The following GPD2 variants were observed in gnomAD, a reference collection of about 807,000 sequenced individuals.
The protein encoded by GPD2 is glycerol-3-phosphate dehydrogenase 2, also known as glycerol-3-phosphate dehydrogenase, mitochondrial.
Under a neutral mutation model 82.4 loss-of-function variants are expected in GPD2, and 54 were observed. The ratio of observed to expected loss-of-function variants is 0.66; its 90% CI spans 0.53 to 0.82. GPD2 has a LOEUF of 0.82. Ranked by LOEUF, GPD2 falls within the 40% of genes least tolerant of loss-of-function variation. The pLI is 0.00. For synonymous variants in GPD2, 288 were observed against 306.1 expected (o/e 0.94, Z 0.62); for missense variants, 748 against 896.2 (o/e 0.83, Z 2.11).
intron 6 of GPD2, among the ~76,000 whole-genome samples, chr2:156,542,615 G>A (rs146147482): frequency 1.1e-4 from 17 of 152,140 alleles, no homozygotes; most frequent in African/African-American, 4.1e-4. Context: ...ACTTTGCCAG[G>A]CACTTAACAC....
intron 11 of GPD2, 109 bp from the exon 12 acceptor site, chr2:156,569,978 A>T: frequency 1.1e-6 from 1 of 936,814 alleles, no homozygotes; most frequent in Non-Finnish European, 1.7e-6. Flanking sequence ...GAGAGCTATT[A>T]GTTACAGGCT....
At chr2:156,484,974 C>T (rs1303218168) in intron 2 of GPD2, among the ~76,000 whole-genome samples, 5 of 152,156 alleles carry the variant, frequency 3.3e-5, no homozygotes, top group African/African-American at 7.2e-5. Context: ...TCTATGAGTT[C>T]GACTATTTTA....
At chr2:156,440,614 C>T (rs1682135214) in intron 1 of GPD2, among the ~76,000 whole-genome samples, 1 of 152,074 alleles carries the variant, frequency 6.6e-6, no homozygotes, top group South Asian at 2.1e-4. Flanking sequence ...GCTCTTATTT[C>T]CTATTTTTCA....
Position 156,582,805 on chromosome 2 carries a change from A to C in GPD2, c.2071A>C (p.Ile691Leu), listed in dbSNP as rs751750878. ...LNEFLQLMSA[I>L]QKGRVSGSRL... is the part of the protein sequence containing the mutation. Reference sequence around the variant, plus strand: ...TTTTCTCTTTAAGCTGATGAGTGCTATTCAAAAAGGAAGGGTATCTGGAAG... The same window carrying C: ...TTTTCTCTTTAAGCTGATGAGTGCTCTTCAAAAAGGAAGGGTATCTGGAAG... Residue 691 changes from isoleucine (I) to leucine (L), a missense_variant, in exon 17 of 17, where the codon ATT becomes CTT. Physicochemically the swap from Ile to Leu is conservative, Grantham distance 5. This residue lies in a region of GPD2 where 46 missense variants were observed against 49.1 expected (regional missense o/e 0.94). Coordinates refer to ENST00000438166, the MANE Select transcript of GPD2 (RefSeq NM_000408.5). 6.2e-7 allele frequency: 1 copy of C among 1,613,052 alleles called. No homozygotes were observed. The highest frequency in any genetic ancestry group is 1.7e-5 in the Admixed American group (1 of 59,980).
intron 2 of GPD2, among the ~76,000 whole-genome samples, chr2:156,494,031 A>G (rs298281): frequency 0.32 from 48,871 of 151,342 alleles, 9,286 homozygotes; most frequent in Non-Finnish European, 0.44. Context: ...TGTAGTACCT[A>G]CTGGTTACAT....
chr2:156,491,002 A>G (rs189257723), intron 2 of GPD2, among the ~76,000 whole-genome samples: 8 of 105,864 alleles, frequency 7.6e-5, no homozygotes, highest in Non-Finnish European at 1.7e-4. Context: ...ATAATTTACA[A>G]TTCTATGAGT....
the GPD2 span, among the ~76,000 whole-genome samples, chr2:156,406,633 T>C: frequency 6.6e-6 from 1 of 152,218 alleles, no homozygotes; most frequent in Non-Finnish European, 1.5e-5. Flanking sequence ...CAGTCATTTC[T>C]TTATTCCAAA....
intron 1 of GPD2, among the ~76,000 whole-genome samples, chr2:156,437,479 A>G (rs298305): frequency 0.32 from 48,522 of 152,010 alleles, 9,206 homozygotes; most frequent in Middle Eastern, 0.44. Flanking sequence ...CCATTGCCCA[A>G]TGGAGACCGT....
At chr2:156,426,685 A>G in the GPD2 span, among the ~76,000 whole-genome samples, 1 of 152,188 alleles carries the variant, frequency 6.6e-6, no homozygotes, top group African/African-American at 2.4e-5. Context: ...AGATTTTGCA[A>G]CCCATATTCC....
rs1253231139 is a variant in GPD2 at position 156,583,018 on chromosome 2, A to G, written c.*100A>G. 2 of 1,310,166 alleles carry G rather than the reference A, an allele frequency of 1.5e-6. No individual in the cohort carries two copies. The highest frequency in any genetic ancestry group is 2.9e-5 in the African/African-American group (2 of 69,120). 81.2% of individuals were successfully genotyped at this position (1,310,166 alleles called of 1,614,324 possible). A position where few individuals can be genotyped will look rare whatever the true frequency, so the allele number is the denominator to read the frequency against. ...CCACTCTGAAATAATGAATGTGGAT[A>G]GCTGCCTTTTTTAACACTAGAAAAC... On this transcript the variant is annotated 3_prime_UTR_variant, in exon 17 of 17. Coordinates refer to ENST00000438166, the MANE Select transcript of GPD2 (RefSeq NM_000408.5).
In GPD2 at chr2:156,549,624, A is replaced by G. The variant is rs1311684876; in HGVS notation, c.678A>G (p.Ala226=). 2 of 1,614,104 alleles carry G rather than the reference A, an allele frequency of 1.2e-6. No homozygotes were observed. Among genetic ancestry groups the G allele is most frequent in the Admixed American group, 1.7e-5 (1 of 60,014 alleles). The change falls in exon 7 of 17, where the codon GCA becomes GCG. Residue 226 remains alanine, a synonymous_variant. Coordinates refer to ENST00000438166, the MANE Select transcript of GPD2 (RefSeq NM_000408.5). ...IVYYDGQHND[A]RMNLAIALTA... is the part of the protein sequence containing the mutation. Reference sequence around the variant, plus strand: ...CCGCTGCAGGACAACATAACGATGCACGGATGAACCTTGCCATTGCTCTGA... The same window carrying G: ...CCGCTGCAGGACAACATAACGATGCGCGGATGAACCTTGCCATTGCTCTGA...
chr2:156,535,472 T>G, intron 6 of GPD2, among the ~76,000 whole-genome samples: 1 of 143,054 alleles, frequency 7.0e-6, no homozygotes. Flanking sequence ...AAGAAAGACC[T>G]GGGAAAGAGA....
chr2:156,510,929 G>T lies in GPD2; in HGVS notation c.399+9G>T. The T allele has an allele frequency of 6.2e-7, 1 of 1,613,116 alleles. No homozygotes were observed. The highest frequency in any genetic ancestry group is 8.5e-7 in the Non-Finnish European group (1 of 1,179,138). On this transcript the variant is annotated intron_variant, in intron 4 of 16. Coordinates refer to ENST00000438166, the MANE Select transcript of GPD2 (RefSeq NM_000408.5). ...AGTTGGATATTGAGCAGGTAATTGT[G>T]TATGCTGGTTGTTAAACAAAAATTG...
At chr2:156,529,220 G>A (rs904372610) in intron 6 of GPD2, among the ~76,000 whole-genome samples, 1 of 151,354 alleles carries the variant, frequency 6.6e-6, no homozygotes, top group Non-Finnish European at 1.5e-5. Context: ...ATGTTTTTTG[G>A]CTGCATAAAT....
chr2:156,487,657 C>T (rs940972662), intron 2 of GPD2, among the ~76,000 whole-genome samples: 2 of 152,192 alleles, frequency 1.3e-5, no homozygotes, highest in Admixed American at 6.5e-5. Context: ...ACCTAAGGAG[C>T]TAATGTTAGG....
chr2:156,474,365 C>T (rs1293482078), intron 1 of GPD2, among the ~76,000 whole-genome samples: 1 of 152,102 alleles, frequency 6.6e-6, no homozygotes, highest in Non-Finnish European at 1.5e-5. Flanking sequence ...AAATATTTAA[C>T]CGTATCATAA....
At chr2:156,498,132 G>C (rs111319719) in intron 3 of GPD2, among the ~76,000 whole-genome samples, 2,737 of 152,244 alleles carry the variant, frequency 0.018, 92 homozygotes, top group African/African-American at 0.062. Context: ...GCATTTTCAT[G>C]CTATGCACTA....
intron 5 of GPD2, 99 bp from the exon 6 acceptor site, chr2:156,513,234 C>T: frequency 2.2e-6 from 2 of 911,624 alleles, no homozygotes; most frequent in East Asian, 2.4e-5. Context: ...TCTAGGTATG[C>T]TTTGTTTTTC....
At chr2:156,450,237 G>C (rs1389223472) in intron 1 of GPD2, among the ~76,000 whole-genome samples, 1 of 152,210 alleles carries the variant, frequency 6.6e-6, no homozygotes, top group Non-Finnish European at 1.5e-5. Context: ...TAAGTTTGAA[G>C]TGATTATTAG....
Sources: allele counts gnomAD v4.1 joint callset (sites outside exome capture counted in the v4.1 genomes callset), GRCh38; gene constraint gnomAD v4.1.1; regional missense constraint gnomAD v4.1.1; transcripts MANE v1.5; gene names NCBI Gene and HGNC (gene_info 2026-07-23, HGNC 2026-07-21).